Variants in TTC27 observed in about 807,000 individuals in gnomAD.
TTC27 encodes the protein tetratricopeptide repeat protein 27.
A neutral mutation model predicts 115.9 loss-of-function variants in TTC27; 79 were observed. The observed-to-expected ratio is 0.68, with a 90% CI of 0.57 to 0.82. The LOEUF (loss-of-function observed/expected upper bound fraction) is 0.82, where lower values mean the gene tolerates loss of function less well. Ranked by LOEUF, TTC27 falls within the 40% of genes least tolerant of loss-of-function variation. The probability of loss-of-function intolerance (pLI) is 0.00; values close to 1 mark genes in which losing one functional copy is unlikely to be tolerated. For synonymous variants in TTC27, 401 were observed against 356.0 expected, an observed-to-expected ratio of 1.13 and a Z score of -1.42; for missense variants, 1,054 against 993.1, an observed-to-expected ratio of 1.06 and a Z score of -0.82.
At chr2:32,775,656 T>C (rs1320892444) in intron 13 of TTC27, among the ~76,000 whole-genome samples, 1 of 152,196 alleles carries the variant, frequency 6.6e-6, no homozygotes, top group Non-Finnish European at 1.5e-5. Flanking sequence ...GTAAACTTGG[T>C]ATCATAATTC....
In TTC27 at chr2:32,628,339, C is replaced by A; in HGVS notation, c.47C>A (p.Ala16Asp). 6.2e-7 allele frequency: 1 copy of A among 1,607,908 alleles called. No individual in the cohort carries two copies. The highest frequency in any genetic ancestry group is 8.5e-7 in the Non-Finnish European group (1 of 1,178,102). The change falls in exon 1 of 20, where the codon GCT becomes GAT. Residue 16 changes from alanine to aspartate, a missense_variant. Coordinates refer to ENST00000317907, the MANE Select transcript of TTC27 (RefSeq NM_017735.5). ...LAILRGFPTE[A>D]ERQQWKQEGV... ...ATTCTGAGGGGATTCCCCACTGAGG[C>A]TGAGCGGCAGCAATGGAAACAGGAG...
chr2:32,652,244 A>C lies in TTC27; in HGVS notation c.640+2011A>C, dbSNP rs184938393. The stretch of plus-strand genomic sequence containing the variant: ...AAATTAGCTGGGCATGGTGGTGGGC[A>C]CCTGTAATCTCAGCTACTCAGGAGG... On this transcript the variant is annotated intron_variant, in intron 5 of 19. Transcript: ENST00000317907. 1.1e-3 allele frequency among the ~76,000 whole-genome samples: 165 copies of C among 152,184 alleles called. 1 individual carries two copies. The highest frequency in any genetic ancestry group is 3.4e-3 in the African/African-American group (143 of 41,542).
intron 12 of TTC27, among the ~76,000 whole-genome samples, chr2:32,745,942 A>G (rs1668810990): frequency 6.6e-6 from 1 of 152,218 alleles, no homozygotes; most frequent in Non-Finnish European, 1.5e-5. Context: ...CTGGTCAAGT[A>G]AACAGCATGT....
At chr2:32,729,800 T>C (rs984178555) in intron 10 of TTC27, among the ~76,000 whole-genome samples, 8 of 152,032 alleles carry the variant, frequency 5.3e-5, no homozygotes, top group African/African-American at 1.9e-4. Context: ...TGGTTTAGGG[T>C]ATATTTGCTT....
At chr2:32,750,470 A>G (rs1668971107) in intron 12 of TTC27, among the ~76,000 whole-genome samples, 1 of 152,196 alleles carries the variant, frequency 6.6e-6, no homozygotes, top group Non-Finnish European at 1.5e-5. Flanking sequence ...TCTAACATGA[A>G]ATCAGAAGGA....
chr2:32,817,681 G>A (rs1029327287), intron 19 of TTC27, 124 bp downstream of exon 19: 4 of 829,268 alleles, frequency 4.8e-6, no homozygotes, highest in Admixed American at 2.1e-5. Flanking sequence ...ATTTAATATA[G>A]CAGCCCCCTC....
intron 9 of TTC27, among the ~76,000 whole-genome samples, chr2:32,698,631 C>T (rs1408768099): frequency 1.3e-5 from 2 of 151,784 alleles, no homozygotes; most frequent in Non-Finnish European, 2.9e-5. Flanking sequence ...AGGCGCCCCC[C>T]ACCACGCCTG....
intron 16 of TTC27, among the ~76,000 whole-genome samples, chr2:32,791,311 G>C (rs1488677731): frequency 6.6e-6 from 1 of 152,004 alleles, no homozygotes. Flanking sequence ...TGGATACCTT[G>C]GGCAACATTT....
intron 10 of TTC27, among the ~76,000 whole-genome samples, chr2:32,712,337 A>G (rs1667607500): frequency 6.6e-6 from 1 of 152,228 alleles, no homozygotes; most frequent in South Asian, 2.1e-4. Flanking sequence ...GCAATTTTTT[A>G]TTGCATGTTC....
chr2:32,811,239 C>G lies in TTC27; in HGVS notation c.2196+18C>G. On this transcript the variant is annotated intron_variant, in intron 17 of 19. Transcript: ENST00000317907. ...ATGAAAAGGCAAGTCCTTCATTCCT[C>G]CTGAGTCCTTGCCTTTCGTTTGAAC... 1 of 1,606,898 alleles carries G rather than the reference C, an allele frequency of 6.2e-7. No individual in the cohort carries two copies. Among genetic ancestry groups the G allele is most frequent in the African/African-American group, 1.3e-5 (1 of 74,886 alleles).
At position 32,730,783 on chromosome 2, in the gene TTC27, G is replaced by T. The variant is rs574686446; in HGVS notation, c.1234-3045G>T. 3.3e-5 allele frequency among the ~76,000 whole-genome samples: 5 copies of T among 151,784 alleles called. No individual in the cohort carries two copies. The South Asian group carries it at 6.2e-4, about 19-fold the overall frequency. On this transcript the variant is annotated intron_variant, in intron 10 of 19. Coordinates refer to ENST00000317907, the MANE Select transcript of TTC27 (RefSeq NM_017735.5). ...ATTACAGGCCTGCGCCACCACACCC[G>T]GCTGATTTTTGTATTTTTAGTAGAG...
At chr2:32,661,423 T>C (rs74900520) in intron 5 of TTC27, among the ~76,000 whole-genome samples, 34,230 of 152,058 alleles carry the variant, frequency 0.23, 4,837 homozygotes, top group African/African-American at 0.4. Flanking sequence ...TTTCCATTTG[T>C]TTGTGCCCTC....
Position 32,683,932 on chromosome 2 carries a change from G to C in TTC27, c.1119+5010G>C, listed in dbSNP as rs1302386311. On this transcript the variant is annotated intron_variant, in intron 9 of 19. Coordinates refer to ENST00000317907, the MANE Select transcript of TTC27 (RefSeq NM_017735.5). Reference sequence around the variant, plus strand: ...GCACTTTGGGAGGCCAAGGTGGGCAGATCACAAGGTCAGTAGTTTGTGACC... The same window carrying C: ...GCACTTTGGGAGGCCAAGGTGGGCACATCACAAGGTCAGTAGTTTGTGACC... 5.9e-5 allele frequency among the ~76,000 whole-genome samples: 9 copies of C among 152,208 alleles called. No individual in the cohort carries two copies. In the South Asian group the frequency reaches 1.2e-3, roughly 21 times the overall value.
intron 9 of TTC27, among the ~76,000 whole-genome samples, chr2:32,697,715 C>G (rs1275916214): frequency 6.6e-6 from 1 of 151,960 alleles, no homozygotes; most frequent in Non-Finnish European, 1.5e-5. Flanking sequence ...TAGATAATGG[C>G]TGGGACGGTA....
intron 16 of TTC27, 114 bp downstream of exon 16, chr2:32,787,263 A>G (rs1670380176): frequency 8.7e-7 from 1 of 1,155,204 alleles, no homozygotes; most frequent in Non-Finnish European, 1.2e-6. Flanking sequence ...CACATGTAAC[A>G]TATGAAAAGG....
At chr2:32,662,377 G>A (rs1318484090) in intron 5 of TTC27, among the ~76,000 whole-genome samples, 1 of 152,194 alleles carries the variant, frequency 6.6e-6, no homozygotes, top group East Asian at 1.9e-4. Flanking sequence ...GGTAGAATTC[G>A]GCTGTGAATC....
rs937654024 is a variant in TTC27 at position 32,760,082 on chromosome 2, C to T, written c.1680+1563C>T. On this transcript the variant is annotated intron_variant, in intron 13 of 19. Coordinates refer to ENST00000317907, the MANE Select transcript of TTC27 (RefSeq NM_017735.5). ...GTGTGCAGAAATTGTCATTTTTGAA[C>T]TGGATAACTGAGGGAATGCGTTTTA... is the stretch of plus-strand genomic sequence containing the variant. Among the ~76,000 whole-genome samples, 6 of 151,990 alleles carry T rather than the reference C, an allele frequency of 3.9e-5. No homozygotes were observed. The East Asian group carries it at 1.2e-3, about 29-fold the overall frequency.
chr2:32,630,713 T>A lies in TTC27; in HGVS notation c.266+13T>A. The A allele has an allele frequency of 1.3e-6, 2 of 1,594,950 alleles. No individual in the cohort carries two copies. The highest frequency in any genetic ancestry group is 8.5e-7 in the Non-Finnish European group (1 of 1,172,564). On this transcript the variant is annotated intron_variant, in intron 2 of 19. Coordinates refer to ENST00000317907, the MANE Select transcript of TTC27 (RefSeq NM_017735.5). ...ACACAACGGAAAGGTAGAATTTTAT[T>A]TGAAATTTTCATAGAGGAACAGAGC...
chr2:32,794,169 G>C (rs938107848), intron 16 of TTC27, among the ~76,000 whole-genome samples: 10 of 152,076 alleles, frequency 6.6e-5, no homozygotes, highest in Non-Finnish European at 1.5e-4. Flanking sequence ...AAGTGCACAT[G>C]GGACATTATC....
Sources: gnomAD v4.1 joint callset for allele counts (sites outside exome capture counted in the v4.1 genomes callset) on GRCh38, gnomAD v4.1.1 for gene constraint, MANE v1.5 for transcripts, NCBI Gene and HGNC (gene_info 2026-07-23, HGNC 2026-07-21) for gene names.